The following LPP variants were observed in gnomAD, a reference collection of about 807,000 sequenced individuals.
LPP encodes lipoma-preferred partner.
LPP carries 38 observed loss-of-function variants against 60.4 expected under a neutral mutation model. The ratio of observed to expected loss-of-function variants is 0.63; its 90% confidence interval spans 0.49 to 0.83. LPP has a LOEUF of 0.83. LPP is among the 40% of genes least tolerant of loss of function. The probability of loss-of-function intolerance (pLI) is 0.00; values close to 1 mark genes in which losing one functional copy is unlikely to be tolerated. For missense variants in LPP, 902 were observed against 783.6 expected, an observed-to-expected ratio of 1.15 and a Z score of -1.80; for synonymous variants, 328 against 290.8, an observed-to-expected ratio of 1.13 and a Z score of -1.30.
intron 7 of LPP, among the ~76,000 whole-genome samples, chr3:188,698,014 G>A (rs1477275786): frequency 6.6e-6 from 1 of 152,170 alleles, no homozygotes; most frequent in Non-Finnish European, 1.5e-5. Context: ...CCGAAACTCT[G>A]TGCCGTCTTT....
At chr3:188,327,614 T>C (rs1406136502) in intron 2 of LPP, among the ~76,000 whole-genome samples, 1 of 152,200 alleles carries the variant, frequency 6.6e-6, no homozygotes, top group African/African-American at 2.4e-5. Context: ...TGAGTATTTT[T>C]TTTACTGACC....
At chr3:188,787,723 C>T (rs568330369) in intron 9 of LPP, among the ~76,000 whole-genome samples, 36 of 152,220 alleles carry the variant, frequency 2.4e-4, no homozygotes, top group Non-Finnish European at 4.4e-4. Flanking sequence ...TAATAGATTT[C>T]CTCTCTTCAT....
chr3:188,241,217 A>G (rs983784576), intron 2 of LPP, among the ~76,000 whole-genome samples: 2 of 152,196 alleles, frequency 1.3e-5, no homozygotes, highest in African/African-American at 4.8e-5. Flanking sequence ...GCATGAATCC[A>G]ACCTGCTGTT....
chr3:188,790,240 C>T (rs758004537), intron 9 of LPP, among the ~76,000 whole-genome samples: 4 of 151,958 alleles, frequency 2.6e-5, no homozygotes, highest in Admixed American at 6.6e-5. Context: ...ACCTTAAAAA[C>T]TATTTTAGGA....
chr3:188,168,381 A>G (rs1720635794), intron 1 of LPP, among the ~76,000 whole-genome samples: 1 of 152,228 alleles, frequency 6.6e-6, no homozygotes, highest in African/African-American at 2.4e-5. Context: ...CATCCTGGAA[A>G]TTTCAGTATT....
At chr3:188,440,400 A>G (rs1793478504) in intron 4 of LPP, among the ~76,000 whole-genome samples, 1 of 152,176 alleles carries the variant, frequency 6.6e-6, no homozygotes, top group South Asian at 2.1e-4. Context: ...ACTGAATGTT[A>G]TCATTAATAA....
chr3:188,389,192 A>T (rs1779091592), intron 3 of LPP, among the ~76,000 whole-genome samples: 1 of 151,340 alleles, frequency 6.6e-6, no homozygotes, highest in Admixed American at 6.6e-5. Context: ...TTTTTATGTG[A>T]ATTATAGGTA....
At chr3:188,253,392 T>A (rs1730605903) in intron 2 of LPP, among the ~76,000 whole-genome samples, 1 of 152,228 alleles carries the variant, frequency 6.6e-6, no homozygotes, top group African/African-American at 2.4e-5. Context: ...CACATTTAGA[T>A]CTTTAATTCA....
intron 6 of LPP, among the ~76,000 whole-genome samples, chr3:188,594,829 C>A (rs1337076589): frequency 6.6e-6 from 1 of 151,870 alleles, no homozygotes; most frequent in Non-Finnish European, 1.5e-5. Context: ...GAAAAAAGAG[C>A]AAAATATCTG....
intron 9 of LPP, among the ~76,000 whole-genome samples, chr3:188,863,581 A>G (rs928337026): frequency 2.6e-5 from 4 of 152,164 alleles, no homozygotes; most frequent in Non-Finnish European, 5.9e-5. Flanking sequence ...GCCCCACTGG[A>G]GACTGAAAGG....
chr3:188,673,919 A>G (rs1348921483), intron 7 of LPP, among the ~76,000 whole-genome samples: 4 of 147,292 alleles, frequency 2.7e-5, no homozygotes, highest in African/African-American at 5.0e-5. Context: ...AGAAGATTGC[A>G]TAAGATTCTG....
intron 9 of LPP, among the ~76,000 whole-genome samples, chr3:188,768,199 A>T (rs1734751241): frequency 6.6e-6 from 1 of 152,184 alleles, no homozygotes. Flanking sequence ...AGAAAATTTC[A>T]CTAATCAAAG....
rs545646760 is a variant in LPP at position 188,395,282 on chromosome 3, G to A, written c.-9-10830G>A. ...TGCCCAGGCTGGAGTGCAGTGGCAT[G>A]ATCGTGGCTCACTGTAACCTTGAAC... is the stretch of plus-strand genomic sequence containing the variant. On this transcript the variant is annotated intron_variant, in intron 3 of 11. Transcript: ENST00000617246. 1.3e-4 allele frequency among the ~76,000 whole-genome samples: 20 copies of A among 152,266 alleles called. No homozygotes were observed. The East Asian group carries it at 3.1e-3, about 24-fold the overall frequency.
chr3:188,288,421 A>G (rs1744716830), intron 2 of LPP, among the ~76,000 whole-genome samples: 1 of 152,140 alleles, frequency 6.6e-6, no homozygotes, highest in Non-Finnish European at 1.5e-5. Flanking sequence ...GAAATAGAAA[A>G]CCAAGTTGAA....
intron 4 of LPP, among the ~76,000 whole-genome samples, chr3:188,441,662 C>A (rs2042713): frequency 0.55 from 68,526 of 125,316 alleles, 19,684 homozygotes; most frequent in Middle Eastern, 0.75. Context: ...GCTCTGTCGC[C>A]CAGGCTGGAG....
intron 3 of LPP, among the ~76,000 whole-genome samples, chr3:188,398,290 G>A (rs1781435209): frequency 6.6e-6 from 1 of 152,218 alleles, no homozygotes; most frequent in Non-Finnish European, 1.5e-5. Context: ...CAGATAGGAA[G>A]GGTCACTGAG....
At chr3:188,435,852 C>G (rs1333308937) in intron 4 of LPP, among the ~76,000 whole-genome samples, 1 of 152,170 alleles carries the variant, frequency 6.6e-6, no homozygotes, top group East Asian at 1.9e-4. Flanking sequence ...ACTTGCACAT[C>G]TCACTCAGTC....
At chr3:188,839,222 A>G (rs1028516092) in intron 9 of LPP, among the ~76,000 whole-genome samples, 1 of 152,218 alleles carries the variant, frequency 6.6e-6, no homozygotes, top group South Asian at 2.1e-4. Flanking sequence ...TTTAACTCTG[A>G]AACTGTCCTA....
intron 3 of LPP, among the ~76,000 whole-genome samples, chr3:188,394,554 G>GTGTA (rs1410671533): frequency 7.2e-6 from 1 of 138,894 alleles, no homozygotes; most frequent in African/African-American, 2.7e-5. Flanking sequence ...TATCTAAAGT[G>GTGTA]TGTGTGTGTG....
Sources: gnomAD v4.1 joint callset for allele counts (sites outside exome capture counted in the v4.1 genomes callset) on GRCh38, gnomAD v4.1.1 for gene constraint, MANE v1.5 for transcripts, NCBI Gene and HGNC (gene_info 2026-07-23, HGNC 2026-07-21) for gene names.